The following RNF128 variants were observed in gnomAD, a reference collection of about 807,000 sequenced individuals.
The protein encoded by RNF128 is E3 ubiquitin-protein ligase RNF128.
RNF128 carries 13 observed loss-of-function variants against 26.2 expected under a neutral mutation model. That is an observed-to-expected ratio of 0.50 (90% CI 0.32 to 0.79). The LOEUF (loss-of-function observed/expected upper bound fraction) is 0.79. Ranked by LOEUF, RNF128 falls within the 30% of genes least tolerant of loss-of-function variation. RNF128 has a pLI of 0.03. For missense variants in RNF128, 315 were observed against 349.7 expected, an observed-to-expected ratio of 0.90 and a Z score of 0.79; for synonymous variants, 149 against 142.5, an observed-to-expected ratio of 1.05 and a Z score of -0.32.
chrX:106,753,258 G>C lies in RNF128; in HGVS notation c.485-19655G>C, dbSNP rs747265264. Among the ~76,000 whole-genome samples, 5 of 111,611 alleles carry C rather than the reference G, an allele frequency of 4.5e-5. No homozygotes were observed. The South Asian group carries it at 1.1e-3, about 26-fold the overall frequency. On this transcript the variant is annotated intron_variant, in intron 1 of 6. Transcript: ENST00000255499. Reference sequence around the variant, plus strand: ...AATAACTGCAAGTTTTGAAGACATAGACAGTATAATAAGATATGAATAGAA... The same window carrying C: ...AATAACTGCAAGTTTTGAAGACATACACAGTATAATAAGATATGAATAGAA...
At chrX:106,772,721 G>A (rs1026972778) in intron 1 of RNF128, among the ~76,000 whole-genome samples, 192 bp from the exon 2 acceptor site, 1 of 110,723 alleles carries the variant, frequency 9.0e-6, no homozygotes, top group South Asian at 3.8e-4. Flanking sequence ...CCCTAAAATC[G>A]GTAACCAAAT....
intron 1 of RNF128, among the ~76,000 whole-genome samples, chrX:106,744,400 A>G (rs1271489935): frequency 9.0e-6 from 1 of 111,725 alleles, no homozygotes; most frequent in Non-Finnish European, 1.9e-5. Context: ...TCCTTGTTAC[A>G]TTTTGTTGGG....
intron 1 of RNF128, among the ~76,000 whole-genome samples, chrX:106,736,847 G>A (rs1232847118): frequency 2.7e-5 from 3 of 112,000 alleles, no homozygotes; most frequent in African/African-American, 6.5e-5. Flanking sequence ...AGAACCCAGT[G>A]TTTAGCAACA....
At chrX:106,788,514 A>T (rs1472522463) in intron 4 of RNF128, among the ~76,000 whole-genome samples, 1 of 56,147 alleles carries the variant, frequency 1.8e-5, no homozygotes, top group Non-Finnish European at 2.9e-5. Context: ...AATTATAATT[A>T]TAATATATAT....
chrX:106,786,658 A>C (rs1383464200), intron 3 of RNF128, among the ~76,000 whole-genome samples: 1 of 111,420 alleles, frequency 9.0e-6, no homozygotes, highest in Non-Finnish European at 1.9e-5. Flanking sequence ...TGTTAAAAGA[A>C]GGAAAAGATA....
chrX:106,773,202 T>C lies in RNF128; in HGVS notation c.732+42T>C, dbSNP rs377180667. On this transcript the variant is annotated intron_variant, in intron 2 of 6. Coordinates refer to ENST00000255499, the MANE Select transcript of RNF128 (RefSeq NM_194463.2). ...TCTTCCACTATTAAAAAAAATTTAC[T>C]GTTCTAATTGTAGTTTCAGGGTCCT... The C allele has an allele frequency of 6.6e-5, 75 of 1,141,767 alleles. No individual in the cohort carries two copies. In the African/African-American group the frequency reaches 1.0e-3, roughly 16 times the overall value. 94.1% of individuals were successfully genotyped at this position (1,141,767 alleles called of 1,213,427 possible). A position where few individuals can be genotyped will look rare whatever the true frequency, so the allele number is the denominator to read the frequency against.
chrX:106,701,116 C>A (rs1928949231), intron 1 of RNF128, among the ~76,000 whole-genome samples: 1 of 111,748 alleles, frequency 8.9e-6, no homozygotes, highest in African/African-American at 3.2e-5. Context: ...TTTATTAATT[C>A]ATCCATTGAT....
intron 1 of RNF128, among the ~76,000 whole-genome samples, chrX:106,761,745 A>T (rs936775207): frequency 7.2e-5 from 8 of 110,569 alleles, no homozygotes; most frequent in Admixed American, 3.9e-4. Context: ...TCCTCTGCTT[A>T]TCTATGTATT....
chrX:106,719,108 G>A (rs1458898329), intron 1 of RNF128, among the ~76,000 whole-genome samples: 2 of 111,831 alleles, frequency 1.8e-5, no homozygotes, highest in African/African-American at 3.2e-5. Context: ...GTAGAAGGAC[G>A]TTTATTCATA....
chrX:106,738,833 A>G (rs1333687502), intron 1 of RNF128, among the ~76,000 whole-genome samples: 1 of 111,653 alleles, frequency 9.0e-6, no homozygotes, highest in African/African-American at 3.3e-5. Context: ...TAATATATGT[A>G]CAGTGCTCAG....
At chrX:106,754,134 A>G (rs1929950325) in intron 1 of RNF128, among the ~76,000 whole-genome samples, 2 of 112,495 alleles carry the variant, frequency 1.8e-5, no homozygotes, top group Admixed American at 1.9e-4. Context: ...TTCATCCAAC[A>G]GCTACAGAAG....
chrX:106,762,844 G>A (rs780329238), intron 1 of RNF128, among the ~76,000 whole-genome samples: 56 of 110,267 alleles, frequency 5.1e-4, no homozygotes, highest in Admixed American at 2.7e-3. Flanking sequence ...ACACAAAGAA[G>A]GGAACAACGG....
chrX:106,696,819 A>T (rs1170796057), intron 1 of RNF128, among the ~76,000 whole-genome samples: 1 of 111,865 alleles, frequency 8.9e-6, no homozygotes, highest in Non-Finnish European at 1.9e-5. Context: ...CCTGTAGTTT[A>T]AAAAGGTAGA....
intron 1 of RNF128, among the ~76,000 whole-genome samples, chrX:106,731,645 T>C (rs1336315242): frequency 9.0e-6 from 1 of 111,383 alleles, no homozygotes; most frequent in Non-Finnish European, 1.9e-5. Flanking sequence ...TCCCAAGTAG[T>C]GTCTTCCTTC....
chrX:106,723,650 C>T (rs1170754953), upstream of RNF128, among the ~76,000 whole-genome samples: 1 of 110,839 alleles, frequency 9.0e-6, no homozygotes. Context: ...AGCTTCACTT[C>T]CCTTGGCTCC....
At chrX:106,698,665 C>T (rs1412073606) in intron 1 of RNF128, among the ~76,000 whole-genome samples, 1 of 111,582 alleles carries the variant, frequency 9.0e-6, no homozygotes, top group Non-Finnish European at 1.9e-5. Context: ...ACCTCTACAA[C>T]AGCTTTCCAG....
intron 1 of RNF128, among the ~76,000 whole-genome samples, chrX:106,740,127 G>T (rs1422890543): frequency 8.9e-6 from 1 of 112,052 alleles, no homozygotes; most frequent in African/African-American, 3.2e-5. Flanking sequence ...GCTGAATGTT[G>T]TAGTAGGAGA....
chrX:106,742,506 C>T (rs1264115237), intron 1 of RNF128, among the ~76,000 whole-genome samples: 1 of 111,584 alleles, frequency 9.0e-6, no homozygotes, highest in Non-Finnish European at 1.9e-5. Context: ...AACAAGTTTT[C>T]CAGGTGATTC....
intron 1 of RNF128, among the ~76,000 whole-genome samples, chrX:106,766,719 T>G (rs1367407622): frequency 8.9e-6 from 1 of 112,080 alleles, no homozygotes; most frequent in African/African-American, 3.2e-5. Context: ...TTTAGTTTAA[T>G]TAGATCCCAT....
Sources: allele counts gnomAD v4.1 joint callset (sites outside exome capture counted in the v4.1 genomes callset), GRCh38; gene constraint gnomAD v4.1.1; transcripts MANE v1.5; gene names NCBI Gene and HGNC (gene_info 2026-07-23, HGNC 2026-07-21).